The following OLFM3 variants were observed in gnomAD, a reference collection of about 807,000 sequenced individuals.
OLFM3 encodes noelin-3.
In OLFM3, 20 loss-of-function variants were observed where a neutral mutation model predicts 48.6. That is an observed-to-expected ratio of 0.41 (90% confidence interval 0.29 to 0.60). The LOEUF (loss-of-function observed/expected upper bound fraction) is 0.60, where lower values mean the gene tolerates loss of function less well. Among genes scored for constraint, OLFM3 ranks in the 20% least tolerant of loss-of-function variants. The pLI, the probability that OLFM3 is intolerant of heterozygous loss-of-function variation, is 0.28. For missense variants in OLFM3, 437 were observed against 544.3 expected (o/e 0.80, Z 1.96); for synonymous variants, 222 against 198.1 (o/e 1.12, Z -1.01).
chr1:101,827,350 C>A (rs571887209), intron 3 of OLFM3, among the ~76,000 whole-genome samples: 1 of 151,438 alleles, frequency 6.6e-6, no homozygotes, highest in Non-Finnish European at 1.5e-5. Flanking sequence ...GAGTCTCACT[C>A]TGTCACCCAG....
intron 1 of OLFM3, among the ~76,000 whole-genome samples, chr1:101,936,272 GGA>G (rs1659613856): frequency 6.6e-6 from 1 of 152,066 alleles, no homozygotes; most frequent in African/African-American, 2.4e-5. Flanking sequence ...AACAGTTTCA[GGA>G]TACAAAATCA....
chr1:101,830,948 C>T, intron 2 of OLFM3, 121 bp from the exon 3 acceptor site: 1 of 720,822 alleles, frequency 1.4e-6, no homozygotes, highest in Non-Finnish European at 2.3e-6. Flanking sequence ...AACTGGGTTC[C>T]CATATGACAC....
chr1:101,910,189 G>A (rs749824964), intron 1 of OLFM3: 6 of 966,460 alleles, frequency 6.2e-6, no homozygotes, highest in Non-Finnish European at 6.2e-6. Flanking sequence ...ATTCTCGACC[G>A]GGCGCGGTCG....
intron 1 of OLFM3, among the ~76,000 whole-genome samples, chr1:101,903,403 A>T (rs2101020448): frequency 6.6e-6 from 1 of 152,246 alleles, no homozygotes; most frequent in South Asian, 2.1e-4. Flanking sequence ...AAGGTTAATT[A>T]GACATAGTTC....
intron 1 of OLFM3, among the ~76,000 whole-genome samples, chr1:101,842,438 G>A (rs942070237): frequency 1.3e-5 from 2 of 152,064 alleles, no homozygotes; most frequent in Non-Finnish European, 2.9e-5. Flanking sequence ...GGGTGAGATG[G>A]GGGGCCGCTG....
In OLFM3 at chr1:101,804,154, A is replaced by G. The variant is rs927024973; in HGVS notation, c.*84T>C. 3.8e-5 allele frequency: 40 copies of G among 1,052,840 alleles called. No homozygotes were observed. The highest frequency in any genetic ancestry group is 5.3e-5 in the Non-Finnish European group (40 of 749,862). The allele number at this position is 1,052,840 out of a possible 1,614,324, so 65.2% of individuals were successfully genotyped here. A position where few individuals can be genotyped will look rare whatever the true frequency, so the allele number is the denominator to read the frequency against. On this transcript the variant is annotated 3_prime_UTR_variant, in exon 6 of 6. Coordinates refer to ENST00000370103, the MANE Select transcript of OLFM3 (RefSeq NM_058170.4). This position sits in a 1 kb window ranked among gnomAD's most constrained non-coding sequence, Gnocchi z 4.5. ...TGCTTTGGAGAAATGATGAAAAATA[A>G]TAGTGAAGAAAAAAACGGAAGGGGT...
intron 1 of OLFM3, among the ~76,000 whole-genome samples, chr1:101,921,497 C>A (rs1379565443): frequency 2.0e-5 from 3 of 152,012 alleles, no homozygotes; most frequent in South Asian, 2.1e-4. Context: ...GGTGTAGGCT[C>A]CTTGAGAGGA....
At chr1:101,982,159 T>C (rs940961912) in intron 1 of OLFM3, among the ~76,000 whole-genome samples, 2 of 152,194 alleles carry the variant, frequency 1.3e-5, no homozygotes, top group Admixed American at 6.5e-5. Context: ...AAAGAATTTA[T>C]ACAAATTTAA....
chr1:101,882,034 T>A (rs1006532248), intron 1 of OLFM3, among the ~76,000 whole-genome samples: 2 of 151,244 alleles, frequency 1.3e-5, no homozygotes, highest in Non-Finnish European at 3.0e-5. Context: ...TTTACTAGGG[T>A]ATTGAATAAA....
At chr1:101,963,199 A>G (rs1660515166) in intron 1 of OLFM3, among the ~76,000 whole-genome samples, 1 of 152,084 alleles carries the variant, frequency 6.6e-6, no homozygotes, top group Non-Finnish European at 1.5e-5. Flanking sequence ...TTACTCCCCC[A>G]TTGCCACCCA....
chr1:101,874,539 T>C (rs1657220558), intron 1 of OLFM3, among the ~76,000 whole-genome samples: 1 of 151,718 alleles, frequency 6.6e-6, no homozygotes, highest in African/African-American at 2.4e-5. Flanking sequence ...TTATTGAGCA[T>C]CTGTCAAATG....
At chr1:101,869,421 T>C (rs1201941349) in intron 1 of OLFM3, among the ~76,000 whole-genome samples, 1 of 152,240 alleles carries the variant, frequency 6.6e-6, no homozygotes, top group Admixed American at 6.5e-5. Flanking sequence ...ATTTACCCAA[T>C]GCCTGTACCT....
At chr1:101,848,303 T>C (rs1656089621) in intron 1 of OLFM3, among the ~76,000 whole-genome samples, 1 of 152,212 alleles carries the variant, frequency 6.6e-6, no homozygotes, top group Admixed American at 6.5e-5. Flanking sequence ...CTGGACTTGT[T>C]TGTATTTGGA....
chr1:101,878,142 T>C lies in OLFM3; in HGVS notation c.70-41117A>G, dbSNP rs1326802599. 1.3e-5 allele frequency among the ~76,000 whole-genome samples: 2 copies of C among 151,844 alleles called. 1 individual carries two copies. Among genetic ancestry groups the C allele is most frequent in the Non-Finnish European group, 2.9e-5 (2 of 67,896 alleles). On this transcript the variant is annotated intron_variant, in intron 1 of 5. Coordinates refer to ENST00000370103, the MANE Select transcript of OLFM3 (RefSeq NM_058170.4). ...TGAGACTCTGAAAGTGGAAAAATCT[T>C]TGGAGAGACCCAAAGCTGGATTTAT...
chr1:101,986,595 G>A (rs997054079), intron 1 of OLFM3, among the ~76,000 whole-genome samples: 11 of 152,154 alleles, frequency 7.2e-5, no homozygotes, highest in African/African-American at 2.7e-4. Flanking sequence ...TGAGTCGCTT[G>A]AGAGGGAAAT....
intron 1 of OLFM3, among the ~76,000 whole-genome samples, chr1:101,995,732 A>G (rs1661537647): frequency 6.6e-6 from 1 of 152,232 alleles, no homozygotes; most frequent in African/African-American, 2.4e-5. Context: ...CTTTAAAAAT[A>G]ACTTTATAAT....
chr1:101,832,405 A>G (rs1373265552), intron 2 of OLFM3, among the ~76,000 whole-genome samples: 1 of 152,224 alleles, frequency 6.6e-6, no homozygotes, highest in African/African-American at 2.4e-5. Flanking sequence ...AAGGCAATGA[A>G]TACTGTCTTG....
At chr1:101,909,733 T>C (rs548228145) in intron 1 of OLFM3, among the ~76,000 whole-genome samples, 3 of 152,234 alleles carry the variant, frequency 2.0e-5, no homozygotes, top group South Asian at 4.1e-4. Context: ...TAGATAGTTA[T>C]ACTGAGTTTT....
At chr1:101,871,663 A>T (rs902376820) in intron 1 of OLFM3, among the ~76,000 whole-genome samples, 11 of 152,076 alleles carry the variant, frequency 7.2e-5, no homozygotes, top group Non-Finnish European at 1.5e-4. Context: ...TCGAAGCCAA[A>T]CCAAACAAAT....
Sources: gnomAD v4.1 joint callset for allele counts (sites outside exome capture counted in the v4.1 genomes callset) on GRCh38, gnomAD v4.1.1 for gene constraint, Gnocchi (gnomAD v3.1) non-coding constraint, MANE v1.5 for transcripts, NCBI Gene and HGNC (gene_info 2026-07-23, HGNC 2026-07-21) for gene names.